Variants in ASTN2 observed in about 807,000 individuals in gnomAD.
ASTN2 encodes astrotactin 2.
Under a neutral mutation model 139.8 loss-of-function variants are expected in ASTN2, and 54 were observed. That is an observed-to-expected ratio of 0.39 (90% CI 0.31 to 0.48). The LOEUF is 0.48. ASTN2 is among the 20% of genes least tolerant of loss of function. ASTN2 has a pLI of 0.95. For missense variants in ASTN2, 1,565 were observed against 1,725.1 expected (o/e 0.91, Z 1.64); for synonymous variants, 756 against 719.5 (o/e 1.05, Z -0.81).
At chr9:116,438,568 C>A (rs7850952) in intron 22 of ASTN2, among the ~76,000 whole-genome samples, 45,099 of 151,942 alleles carry the variant, frequency 0.3, 7,119 homozygotes, top group East Asian at 0.49. Flanking sequence ...ATCACAGACC[C>A]AATATTAAAC....
chr9:116,995,421 T>C (rs1475627750), intron 7 of ASTN2, among the ~76,000 whole-genome samples: 1 of 152,228 alleles, frequency 6.6e-6, no homozygotes, highest in Non-Finnish European at 1.5e-5. Flanking sequence ...GGAGTTTTTC[T>C]CTGAATTCAA....
chr9:117,093,738 A>G (rs1162642359), intron 5 of ASTN2, among the ~76,000 whole-genome samples: 1 of 152,212 alleles, frequency 6.6e-6, no homozygotes, highest in East Asian at 1.9e-4. Context: ...TGCAGAACCA[A>G]ATTCACTCTC....
intron 1 of ASTN2, among the ~76,000 whole-genome samples, chr9:117,348,957 A>G (rs530358943): frequency 3.9e-5 from 6 of 152,130 alleles, no homozygotes; most frequent in South Asian, 4.2e-4. Flanking sequence ...AACTTGGAAA[A>G]GAAGAATTGC....
chr9:117,040,256 G>T (rs1426901599), intron 5 of ASTN2, among the ~76,000 whole-genome samples: 7 of 152,076 alleles, frequency 4.6e-5, no homozygotes, highest in Non-Finnish European at 8.8e-5. Context: ...TCCCAATTCG[G>T]TTGGTCATTC....
chr9:116,804,604 G>T (rs1830981964), intron 13 of ASTN2, among the ~76,000 whole-genome samples: 1 of 151,992 alleles, frequency 6.6e-6, no homozygotes, highest in African/African-American at 2.4e-5. Flanking sequence ...GTAGTTAGTA[G>T]TAAAGAACTT....
chr9:116,948,723 G>GTGTC (rs2132481689), intron 10 of ASTN2, among the ~76,000 whole-genome samples: 1 of 147,050 alleles, frequency 6.8e-6, no homozygotes, highest in African/African-American at 2.5e-5. Context: ...GTGTGTGTGT[G>GTGTC]TGTGTGTAAG....
intron 19 of ASTN2, among the ~76,000 whole-genome samples, chr9:116,613,914 T>C (rs1855692637): frequency 6.6e-6 from 1 of 152,116 alleles, no homozygotes; most frequent in African/African-American, 2.4e-5. Context: ...GGTATTCAAT[T>C]AGGAAAAGAG....
At chr9:116,690,107 T>A (rs888710974) in intron 16 of ASTN2, among the ~76,000 whole-genome samples, 2 of 152,184 alleles carry the variant, frequency 1.3e-5, no homozygotes, top group Non-Finnish European at 2.9e-5. Context: ...AAAGAAAATA[T>A]GTCATGGGAA....
At chr9:117,169,734 G>A (rs1206195143) in intron 3 of ASTN2, among the ~76,000 whole-genome samples, 1 of 152,074 alleles carries the variant, frequency 6.6e-6, no homozygotes, top group Non-Finnish European at 1.5e-5. Flanking sequence ...CAGACATGGT[G>A]GGGTGGGGCA....
intron 5 of ASTN2, among the ~76,000 whole-genome samples, chr9:117,066,055 A>C (rs1166447061): frequency 3.4e-5 from 5 of 148,202 alleles, no homozygotes. Context: ...TTTAGGGTAC[A>C]TGTGCACATT....
At chr9:116,962,374 C>A (rs1835898420) in intron 10 of ASTN2, among the ~76,000 whole-genome samples, 1 of 152,170 alleles carries the variant, frequency 6.6e-6, no homozygotes, top group Non-Finnish European at 1.5e-5. Context: ...TGCCCACTCC[C>A]AAAATATGTG....
chr9:116,514,959 C>A (rs1850579933), intron 19 of ASTN2, among the ~76,000 whole-genome samples: 1 of 152,082 alleles, frequency 6.6e-6, no homozygotes, highest in Admixed American at 6.5e-5. Flanking sequence ...GAGGCGATGC[C>A]TCACCCTGCT....
At chr9:116,680,359 A>C (rs1392116943) in intron 16 of ASTN2, among the ~76,000 whole-genome samples, 3 of 152,122 alleles carry the variant, frequency 2.0e-5, no homozygotes, top group Non-Finnish European at 2.9e-5. Context: ...CAATAACAGG[A>C]TCTGAAATTG....
intron 19 of ASTN2, among the ~76,000 whole-genome samples, chr9:116,597,299 A>ATTTT (rs757848093): frequency 4.9e-4 from 37 of 75,514 alleles, no homozygotes; most frequent in Non-Finnish European, 6.1e-4. Context: ...CTTTTGATCT[A>ATTTT]TTTTTTTTTT....
At chr9:117,076,478 T>G (rs1828283815) in intron 5 of ASTN2, among the ~76,000 whole-genome samples, 2 of 152,124 alleles carry the variant, frequency 1.3e-5, no homozygotes, top group Admixed American at 1.3e-4. Context: ...GAGATGACAC[T>G]GGCTAAGTGA....
intron 5 of ASTN2, among the ~76,000 whole-genome samples, chr9:117,061,138 CTTTTATTTATTTA>C (rs1839277078): frequency 9.2e-6 from 1 of 109,186 alleles, no homozygotes; most frequent in South Asian, 2.8e-4. Context: ...ATACACCAGT[CTTTTATTTATTTA>C]TTTATTTATT....
intron 22 of ASTN2, among the ~76,000 whole-genome samples, chr9:116,436,520 T>C: frequency 6.6e-6 from 1 of 152,188 alleles, no homozygotes; most frequent in East Asian, 1.9e-4. Flanking sequence ...CTATACATAG[T>C]TTACATTGTA....
intron 4 of ASTN2, among the ~76,000 whole-genome samples, chr9:117,107,649 T>C (rs575094512): frequency 2.0e-5 from 3 of 152,318 alleles, no homozygotes; most frequent in East Asian, 3.9e-4. Context: ...AGAGCAATAA[T>C]GGACTACACC....
chr9:117,127,300 G>GA (rs1305073349), intron 4 of ASTN2, among the ~76,000 whole-genome samples: 2 of 152,234 alleles, frequency 1.3e-5, no homozygotes, highest in Non-Finnish European at 2.9e-5. Context: ...ACACTGCACT[G>GA]AAAGGGAGCT....
Sources: allele counts gnomAD v4.1 joint callset (sites outside exome capture counted in the v4.1 genomes callset), GRCh38; gene constraint gnomAD v4.1.1; transcripts MANE v1.5; gene names NCBI Gene and HGNC (gene_info 2026-07-23, HGNC 2026-07-21).